FMN1: variants seen among roughly 807,000 people sequenced by gnomAD.
FMN1 encodes the protein formin 1.
Under a neutral mutation model 132.4 loss-of-function variants are expected in FMN1, and 110 were observed. The observed-to-expected ratio is 0.83, with a 90% CI of 0.71 to 0.97. The LOEUF is 0.97. Ranked by LOEUF, FMN1 falls within the 50% of genes least tolerant of loss-of-function variation. The pLI is 0.00. For missense variants in FMN1, 1,792 were observed against 1,705.3 expected (o/e 1.05, Z -0.90); for synonymous variants, 722 against 651.7 (o/e 1.11, Z -1.64).
At chr15:33,080,151 T>C (rs765641092) in intron 5 of FMN1, among the ~76,000 whole-genome samples, 1 of 152,352 alleles carries the variant, frequency 6.6e-6, no homozygotes, top group South Asian at 2.1e-4. Flanking sequence ...GCCATTCCTA[T>C]GGCCTGTAGC....
At chr15:32,883,788 T>A (rs1326909408) in intron 16 of FMN1, among the ~76,000 whole-genome samples, 2 of 152,302 alleles carry the variant, frequency 1.3e-5, no homozygotes, top group African/African-American at 4.8e-5. Flanking sequence ...CAATGTTTCA[T>A]GCTTTAAGTT....
intron 5 of FMN1, among the ~76,000 whole-genome samples, chr15:33,077,880 T>C (rs911871509): frequency 6.7e-6 from 1 of 149,318 alleles, no homozygotes; most frequent in Non-Finnish European, 1.5e-5. Context: ...AAAAGACACA[T>C]GAAAAAATGC....
At position 33,128,472 on chromosome 15, in the gene FMN1, T is replaced by C. The variant is rs1367385414; in HGVS notation, c.1867+24576A>G. 4.6e-5 allele frequency among the ~76,000 whole-genome samples: 7 copies of C among 152,304 alleles called. 1 individual carries two copies. In the East Asian group the frequency reaches 1.2e-3, roughly 25 times the overall value. On this transcript the variant is annotated intron_variant, in intron 4 of 20. Transcript: ENST00000616417. Reference sequence around the variant, plus strand: ...ATTCCTATGACATTGCAAGGTCCATTTATAAAAAGCCTCATGCAAGTTCTC... The same window carrying C: ...ATTCCTATGACATTGCAAGGTCCATCTATAAAAAGCCTCATGCAAGTTCTC...
chr15:32,785,161 CGTGTGTGTGTGTGTGTGTGTGTGTGT>C (rs1178285469), intron 19 of FMN1, among the ~76,000 whole-genome samples: 8 of 51,596 alleles, frequency 1.6e-4, no homozygotes, highest in Non-Finnish European at 6.9e-5. Context: ...TGTATACGTA[CGTGTGTGTGTGTGTGTGTGTGTGTGT>C]GTGTGTGTGT....
Position 32,969,002 on chromosome 15 carries a change from C to A in FMN1, c.2699G>T (p.Gly900Val). The A allele has an allele frequency of 8.3e-7, 1 of 1,203,978 alleles. No homozygotes were observed. 74.6% of individuals were successfully genotyped at this position (1,203,978 alleles called of 1,614,324 possible). The part of the protein sequence containing the change: ...PAPPMPPVSA[G>V]PPLPPPPPPP... ...AGGAGGCGGAGGTGGTAGCGGTGGC[C>A]CAGCACTCACAGGTGGCATTGGAGG... Residue 900 changes from glycine to valine, a missense_variant, in exon 8 of 21, where the codon GGG (glycine) becomes GTG (valine). Around this residue, in one of 3 missense-constraint regions of FMN1, gnomAD observed 1,150 missense variants for 1,043.1 expected, o/e 1.10. Coordinates refer to ENST00000616417, the MANE Select transcript of FMN1 (RefSeq NM_001277313.2).
rs376813184 is a variant in FMN1 at position 32,928,325 on chromosome 15, C to CA, written c.3139-2065dup. ...GTAATTTTTTATATGAAAGGAAAAG[C>CA]AAAAAAAAAAGGCAATTAAGCATAA... On this transcript the variant is annotated intron_variant, in intron 9 of 20. Transcript: ENST00000616417. Among the ~76,000 whole-genome samples, 1,130 of 137,820 alleles carry CA rather than the reference C, an allele frequency of 8.2e-3. 5 individuals carry two copies. The highest frequency in any genetic ancestry group is 0.018 in the Middle Eastern group (5 of 272). The allele number at this position is 137,820 out of a possible 152,430, so 90.4% of individuals were successfully genotyped here.
chr15:32,885,433 A>G lies in FMN1; in HGVS notation c.3835+2739T>C, dbSNP rs117975336. On this transcript the variant is annotated intron_variant, in intron 16 of 20. Transcript: ENST00000616417. ...GTCACAGGCGTGATATGTATTGAACACATGCCTTAGAAGTCGTATCTAGTT... is the reference window on the plus strand; with the variant it reads ...GTCACAGGCGTGATATGTATTGAACGCATGCCTTAGAAGTCGTATCTAGTT... Among the ~76,000 whole-genome samples, 245 of 152,354 alleles carry G rather than the reference A, an allele frequency of 1.6e-3. 1 individual carries two copies. In the East Asian group the frequency reaches 0.037, roughly 23 times the overall value.
At chr15:33,026,096 TACACAC>T (rs58334971) in intron 6 of FMN1, among the ~76,000 whole-genome samples, 4,532 of 144,626 alleles carry the variant, frequency 0.031, 91 homozygotes, top group South Asian at 0.09. Context: ...TGCTTAGGCA[TACACAC>T]ACACACACAC....
intron 19 of FMN1, among the ~76,000 whole-genome samples, chr15:32,783,373 C>CT (rs2056733912): frequency 1.3e-5 from 2 of 152,248 alleles, no homozygotes; most frequent in South Asian, 4.1e-4. Context: ...CCAAAGACTA[C>CT]TGAGGAAAGA....
Position 32,772,979 on chromosome 15 carries a change from G to A in FMN1, c.*1331C>T, listed in dbSNP as rs565241706. On this transcript the variant is annotated 3_prime_UTR_variant, in exon 21 of 21. Transcript: ENST00000616417. ...TCTCTGGACTGTCCTCCACCAATTG[G>A]GGGGAGAAAGCTCGGCCTCTTCAAG... 1 of 114,296 alleles carries A rather than the reference G, an allele frequency of 8.7e-6. No homozygotes were observed. Among genetic ancestry groups the A allele is most frequent in the Non-Finnish European group, 1.9e-5 (1 of 51,708 alleles). 7.1% of individuals were successfully genotyped at this position (114,296 alleles called of 1,614,324 possible). A position where few individuals can be genotyped will look rare whatever the true frequency, so the allele number is the denominator to read the frequency against.
Position 32,957,298 on chromosome 15 carries a change from C to CTTTTTTTTTTT in FMN1, c.3138+6798_3138+6808dup, listed in dbSNP as rs869111673. Among the ~76,000 whole-genome samples the CTTTTTTTTTTT allele has an allele frequency of 1.8e-4, 15 of 84,194 alleles. 1 individual carries two copies. Among genetic ancestry groups the CTTTTTTTTTTT allele is most frequent in the African/African-American group, 5.9e-4 (13 of 22,106 alleles). The allele number at this position is 84,194 out of a possible 152,430, so 55.2% of individuals were successfully genotyped here. ...AATTGGAAAGTTTATCAGAGCAGTT[C>CTTTTTTTTTTT]TTTTTTTTTTTTTTTTTTTTTTTTT... On this transcript the variant is annotated intron_variant, in intron 9 of 20. Coordinates refer to ENST00000616417, the MANE Select transcript of FMN1 (RefSeq NM_001277313.2).
At chr15:32,833,924 G>T (rs968659931) in intron 17 of FMN1, among the ~76,000 whole-genome samples, 1 of 152,152 alleles carries the variant, frequency 6.6e-6, no homozygotes, top group African/African-American at 2.4e-5. Flanking sequence ...CATAAGCCCA[G>T]ACCTTACACT....
chr15:32,839,590 T>C (rs2058701339), intron 17 of FMN1, among the ~76,000 whole-genome samples: 1 of 152,142 alleles, frequency 6.6e-6, no homozygotes, highest in African/African-American at 2.4e-5. Flanking sequence ...TTCTTTTATC[T>C]GCCTACATCA....
intron 6 of FMN1, among the ~76,000 whole-genome samples, chr15:33,023,742 A>G (rs2035532225): frequency 6.6e-6 from 1 of 152,214 alleles, no homozygotes; most frequent in South Asian, 2.1e-4. Flanking sequence ...ATACCAAAAA[A>G]TAGAGTACAA....
chr15:33,073,969 A>C (rs1320263204), intron 5 of FMN1, among the ~76,000 whole-genome samples: 1 of 152,116 alleles, frequency 6.6e-6, no homozygotes, highest in Non-Finnish European at 1.5e-5. Flanking sequence ...GGCTTCAAGT[A>C]ATCTGCCCAC....
In FMN1 at chr15:32,856,991, T is replaced by C. The variant is rs762239988; in HGVS notation, c.3928+24A>G. On this transcript the variant is annotated intron_variant, in intron 17 of 20. Transcript: ENST00000616417. ...GAAGGATGTTTCAGGGCCACGTGTA[T>C]GTGCGGCTGACAAAGCTTCCTACCT... 44 of 1,531,132 alleles carry C rather than the reference T, an allele frequency of 2.9e-5. No homozygotes were observed. The Admixed American group carries it at 6.2e-4, about 22-fold the overall frequency. The allele number at this position is 1,531,132 out of a possible 1,614,324, so 94.8% of individuals were successfully genotyped here.
chr15:32,887,698 G>C (rs1452502091), intron 16 of FMN1, among the ~76,000 whole-genome samples: 1 of 151,948 alleles, frequency 6.6e-6, no homozygotes, highest in East Asian at 1.9e-4. Flanking sequence ...CTAGAAACTA[G>C]AAAATGTGAG....
intron 18 of FMN1, among the ~76,000 whole-genome samples, chr15:32,800,044 C>A (rs2057424710): frequency 6.6e-6 from 1 of 150,400 alleles, no homozygotes; most frequent in Non-Finnish European, 1.5e-5. Context: ...GATTGTAAAA[C>A]CCTGAAGCTC....
At chr15:33,193,235 C>G (rs1208613345) in intron 2 of FMN1, among the ~76,000 whole-genome samples, 2 of 152,234 alleles carry the variant, frequency 1.3e-5, no homozygotes, top group East Asian at 3.9e-4. Flanking sequence ...GACAGTTAAT[C>G]TGGTATGCAA....
Sources: allele counts gnomAD v4.1 joint callset (sites outside exome capture counted in the v4.1 genomes callset), GRCh38; gene constraint gnomAD v4.1.1; regional missense constraint gnomAD v4.1.1; transcripts MANE v1.5; gene names NCBI Gene and HGNC (gene_info 2026-07-23, HGNC 2026-07-21).